FAM90A20: variants seen among roughly 807,000 people sequenced by gnomAD.
FAM90A20 encodes the protein family with sequence similarity 90 member A20.
At chr8:7,297,265 G>C in the FAM90A20 span, 2 of 1,417,272 alleles carry the variant, frequency 1.4e-6, no homozygotes, top group Non-Finnish European at 1.9e-6. Flanking sequence ...ACATCCCTCG[G>C]CCTGCAGTCA....
At chr8:7,296,218 C>A in the FAM90A20 span, 1 of 664,684 alleles carries the variant, frequency 1.5e-6, no homozygotes, top group Non-Finnish European at 2.7e-6. Context: ...TGGGGCTGGG[C>A]CCCAGACGGG....
the FAM90A20 span, chr8:7,297,360 C>A: frequency 2.3e-5 from 33 of 1,438,644 alleles, 2 homozygotes; most frequent in Middle Eastern, 2.4e-4. Flanking sequence ...CCCCAGGCTG[C>A]CTCCAAAACC....
chr8:7,295,389 A>T, the FAM90A20 span, among the ~76,000 whole-genome samples: 6 of 72,354 alleles, frequency 8.3e-5, no homozygotes, highest in African/African-American at 8.3e-4. Flanking sequence ...CGTTGTTGAC[A>T]TCGGCTTCAC....
At chr8:7,296,033 G>A in the FAM90A20 span, among the ~76,000 whole-genome samples, 26 of 129,494 alleles carry the variant, frequency 2.0e-4, 8 homozygotes, top group African/African-American at 6.3e-4. Context: ...GGGGAGAGGC[G>A]GGGGCGCTTC....
At chr8:7,297,361 C>G in the FAM90A20 span, 1 of 1,455,430 alleles carries the variant, frequency 6.9e-7, no homozygotes, top group African/African-American at 2.0e-5. Flanking sequence ...CCCAGGCTGC[C>G]TCCAAAACCC....
At chr8:7,296,846 T>G in the FAM90A20 span, among the ~76,000 whole-genome samples, 3 of 136,780 alleles carry the variant, frequency 2.2e-5, no homozygotes, top group African/African-American at 3.5e-5. Context: ...AACAATGGTG[T>G]GCTTAGATCA....
chr8:7,297,218 C>G, the FAM90A20 span: 7 of 1,527,070 alleles, frequency 4.6e-6, 1 homozygote, highest in South Asian at 1.1e-5. Context: ...CTCCTCAAGT[C>G]TTGGACCAAA....
chr8:7,297,632 C>T, the FAM90A20 span: 1 of 1,405,176 alleles, frequency 7.1e-7, no homozygotes, highest in Non-Finnish European at 9.7e-7. Flanking sequence ...CCAACCTCCA[C>T]CAGCCGCAAC....
the FAM90A20 span, chr8:7,297,353 C>A: frequency 4.2e-6 from 6 of 1,420,208 alleles, no homozygotes; most frequent in African/African-American, 2.1e-5. Context: ...AGAAGTTCCC[C>A]AGGCTGCCTC....
the FAM90A20 span, chr8:7,298,023 G>A: frequency 2.0e-3 from 1,331 of 654,140 alleles, 68 homozygotes; most frequent in Non-Finnish European, 1.4e-3. Context: ...GACCTGGAGT[G>A]AGACTGCAGG....
the FAM90A20 span, chr8:7,297,595 A>C: frequency 6.7e-7 from 1 of 1,491,176 alleles, no homozygotes; most frequent in Non-Finnish European, 9.1e-7. Context: ...CCATCCAGGG[A>C]GGTGAGCTGG....
chr8:7,297,264 G>T, the FAM90A20 span: 2 of 1,416,994 alleles, frequency 1.4e-6, no homozygotes, highest in Admixed American at 1.7e-5. Flanking sequence ...GACATCCCTC[G>T]GCCTGCAGTC....
chr8:7,296,492 C>T, the FAM90A20 span: 25 of 657,834 alleles, frequency 3.8e-5, 7 homozygotes, highest in African/African-American at 5.2e-4. Context: ...AATCGGGGAA[C>T]CCCTCTTTCT....
chr8:7,297,843 G>A, the FAM90A20 span: 62 of 937,254 alleles, frequency 6.6e-5, 17 homozygotes, highest in African/African-American at 1.3e-3. Flanking sequence ...GGACGCTGGA[G>A]CTCCAGCCTC....
At chr8:7,296,735 A>T in the FAM90A20 span, among the ~76,000 whole-genome samples, 1 of 135,926 alleles carries the variant, frequency 7.4e-6, no homozygotes, top group East Asian at 2.0e-4. Flanking sequence ...AGTACCCTTG[A>T]GCCACCAACC....
chr8:7,296,171 G>T, the FAM90A20 span: 5 of 642,202 alleles, frequency 7.8e-6, 1 homozygote, highest in East Asian at 5.8e-5. Context: ...GGCGGAAAGG[G>T]CACCAGATTT....
the FAM90A20 span, chr8:7,297,162 C>G: frequency 6.5e-6 from 10 of 1,533,302 alleles, no homozygotes; most frequent in Non-Finnish European, 7.9e-6. Flanking sequence ...GGCAGGGGCT[C>G]CGTCTTGGCT....
At chr8:7,296,194 C>G in the FAM90A20 span, 3 of 652,480 alleles carry the variant, frequency 4.6e-6, 1 homozygote, top group East Asian at 2.9e-5. Context: ...ATTTCTGTAT[C>G]ACAAGACACG....
At chr8:7,297,432 A>C in the FAM90A20 span, 9 of 1,556,486 alleles carry the variant, frequency 5.8e-6, 1 homozygote, top group African/African-American at 7.7e-5. Flanking sequence ...GTGACCTCAC[A>C]GCCCTGCCCA....
Sources: allele counts gnomAD v4.1 joint callset (sites outside exome capture counted in the v4.1 genomes callset), GRCh38; gene constraint gnomAD v4.1.1; transcripts MANE v1.5; gene names NCBI Gene and HGNC (gene_info 2026-07-23, HGNC 2026-07-21).